ANKRD6: variants seen among roughly 807,000 people sequenced by gnomAD.
ANKRD6 encodes the protein ankyrin repeat domain-containing protein 6.
ANKRD6 carries 56 observed loss-of-function variants against 82.3 expected under a neutral mutation model. The ratio of observed to expected loss-of-function variants is 0.68; its 90% CI spans 0.55 to 0.85. The LOEUF is 0.85. Ranked by LOEUF, ANKRD6 falls within the 40% of genes least tolerant of loss-of-function variation. The probability of loss-of-function intolerance (pLI) is 0.00; values close to 1 mark genes in which losing one functional copy is unlikely to be tolerated. For missense variants in ANKRD6, 852 were observed against 907.6 expected, an observed-to-expected ratio of 0.94 and a Z score of 0.79; for synonymous variants, 347 against 352.1, an observed-to-expected ratio of 0.99 and a Z score of 0.16.
intron 1 of ANKRD6, among the ~76,000 whole-genome samples, chr6:89,464,954 C>T (rs541607499): frequency 3.3e-5 from 5 of 152,192 alleles, no homozygotes; most frequent in Admixed American, 6.5e-5. Context: ...TTCAGATAAT[C>T]TGAGTACAAA....
chr6:89,561,809 C>G (rs1361147877), intron 1 of ANKRD6, among the ~76,000 whole-genome samples: 1 of 152,046 alleles, frequency 6.6e-6, no homozygotes, highest in Non-Finnish European at 1.5e-5. Flanking sequence ...ATTTGTTTCC[C>G]CAGTGGGATT....
intron 1 of ANKRD6, among the ~76,000 whole-genome samples, chr6:89,511,602 A>G (rs1374268670): frequency 6.6e-6 from 1 of 152,220 alleles, no homozygotes; most frequent in Non-Finnish European, 1.5e-5. Flanking sequence ...TAGAATGGGC[A>G]TATGAATAGT....
At position 89,449,834 on chromosome 6, in the gene ANKRD6, A is replaced by G. The variant is rs1772593503; in HGVS notation, c.-144+16459A>G. Among the ~76,000 whole-genome samples the G allele has an allele frequency of 2.6e-5, 4 of 152,252 alleles. No homozygotes were observed. In the South Asian group the frequency reaches 8.3e-4, roughly 32 times the overall value. On this transcript the variant is annotated intron_variant, in intron 1 of 15. Coordinates refer to ENST00000339746, the MANE Select transcript of ANKRD6 (RefSeq NM_001242809.2). Reference sequence around the variant, plus strand: ...TCTAACTCCCGAAAAAATTTAACATATTTGGAGATATTTTTTGGTTGAAAG... The same window carrying G: ...TCTAACTCCCGAAAAAATTTAACATGTTTGGAGATATTTTTTGGTTGAAAG...
intron 1 of ANKRD6, among the ~76,000 whole-genome samples, chr6:89,486,289 A>G (rs1363560342): frequency 6.6e-6 from 1 of 152,140 alleles, no homozygotes; most frequent in Admixed American, 6.5e-5. Flanking sequence ...AGCAGAAATG[A>G]TTGATATTCA....
chr6:89,606,216 C>T lies in ANKRD6; in HGVS notation c.417+111C>T, dbSNP rs945505198. Reference sequence around the variant, plus strand: ...AGAAGAGTGAGAGCCCAGAGTGGCACGAGGAACCTGAAGGTCCATTCGGCC... The same window carrying T: ...AGAAGAGTGAGAGCCCAGAGTGGCATGAGGAACCTGAAGGTCCATTCGGCC... On this transcript the variant is annotated intron_variant, in intron 5 of 15. Coordinates refer to ENST00000339746, the MANE Select transcript of ANKRD6 (RefSeq NM_001242809.2). 41 of 807,876 alleles carry T rather than the reference C, an allele frequency of 5.1e-5. No individual in the cohort carries two copies. The Middle Eastern group carries it at 1.2e-3, about 23-fold the overall frequency. 50.0% of individuals were successfully genotyped at this position (807,876 alleles called of 1,614,324 possible). A position where few individuals can be genotyped will look rare whatever the true frequency, so the allele number is the denominator to read the frequency against.
chr6:89,600,750 G>A (rs1327187029), intron 3 of ANKRD6, among the ~76,000 whole-genome samples: 1 of 152,228 alleles, frequency 6.6e-6, no homozygotes, highest in South Asian at 2.1e-4. Context: ...AAGTTGAGAC[G>A]TGGGGCCAGG....
At chr6:89,527,272 C>T (rs546835049) in intron 1 of ANKRD6, among the ~76,000 whole-genome samples, 1 of 152,130 alleles carries the variant, frequency 6.6e-6, no homozygotes, top group South Asian at 2.1e-4. Flanking sequence ...AGGATTATGT[C>T]TAAAAGGACA....
At chr6:89,560,393 A>T (rs116578255) in intron 1 of ANKRD6, among the ~76,000 whole-genome samples, 2 of 152,172 alleles carry the variant, frequency 1.3e-5, no homozygotes, top group Admixed American at 1.3e-4. Context: ...CGCTAATTCT[A>T]TCAGATCAGG....
At chr6:89,579,156 A>G (rs1366456671) in intron 2 of ANKRD6, among the ~76,000 whole-genome samples, 3 of 152,254 alleles carry the variant, frequency 2.0e-5, no homozygotes, top group African/African-American at 7.2e-5. Context: ...TCAAATGCCA[A>G]TGATATTTAC....
intron 9 of ANKRD6, 180 bp downstream of exon 9, chr6:89,618,211 G>A: frequency 1.4e-6 from 1 of 735,886 alleles, no homozygotes; most frequent in Non-Finnish European, 2.4e-6. Context: ...ATCAAGTCCA[G>A]CTCTTCGTGT....
intron 1 of ANKRD6, among the ~76,000 whole-genome samples, chr6:89,552,450 A>C (rs1275736832): frequency 6.6e-6 from 1 of 152,232 alleles, no homozygotes; most frequent in Non-Finnish European, 1.5e-5. Flanking sequence ...CTCAGTGCTG[A>C]AGCCAAATAC....
chr6:89,593,501 A>G (rs1284240578), intron 2 of ANKRD6, among the ~76,000 whole-genome samples: 2 of 152,192 alleles, frequency 1.3e-5, no homozygotes, highest in African/African-American at 4.8e-5. Flanking sequence ...TTTATAGCCC[A>G]CTTTTTTGGG....
intron 1 of ANKRD6, among the ~76,000 whole-genome samples, chr6:89,525,536 A>G (rs1782388844): frequency 6.6e-6 from 1 of 152,214 alleles, no homozygotes; most frequent in Admixed American, 6.5e-5. Flanking sequence ...TTGGCAATAC[A>G]TCAGTAGGCA....
At chr6:89,495,973 T>C (rs1778563062) in intron 1 of ANKRD6, among the ~76,000 whole-genome samples, 1 of 152,132 alleles carries the variant, frequency 6.6e-6, no homozygotes, top group South Asian at 2.1e-4. Flanking sequence ...GTCCATGCTG[T>C]TGACCCCAGT....
At chr6:89,611,470 G>A (rs543779851) in intron 5 of ANKRD6, among the ~76,000 whole-genome samples, 10 of 152,304 alleles carry the variant, frequency 6.6e-5, no homozygotes, top group South Asian at 4.1e-4. Context: ...GGTTATCAGC[G>A]GCCTCACATG....
chr6:89,560,131 A>G (rs1237900234), intron 1 of ANKRD6, among the ~76,000 whole-genome samples: 2 of 152,196 alleles, frequency 1.3e-5, no homozygotes, highest in Non-Finnish European at 2.9e-5. Context: ...TATAACAGCA[A>G]TTATGCTTGA....
intron 1 of ANKRD6, among the ~76,000 whole-genome samples, chr6:89,440,787 C>G (rs559323449): frequency 6.7e-6 from 1 of 148,194 alleles, no homozygotes; most frequent in African/African-American, 2.5e-5. Flanking sequence ...GCCTAGGCAA[C>G]ATAGCAAGAT....
chr6:89,445,233 T>G (rs968843521), intron 1 of ANKRD6, among the ~76,000 whole-genome samples: 2 of 151,332 alleles, frequency 1.3e-5, no homozygotes, highest in Non-Finnish European at 2.9e-5. Flanking sequence ...TTATGAAAAA[T>G]TGTTTCGGTG....
intron 1 of ANKRD6, among the ~76,000 whole-genome samples, chr6:89,465,787 C>A (rs750056522): frequency 4.0e-5 from 6 of 151,846 alleles, no homozygotes; most frequent in Non-Finnish European, 8.8e-5. Context: ...CACTTGAGCC[C>A]GGGAGATCAA....
Sources: gnomAD v4.1 joint callset for allele counts (sites outside exome capture counted in the v4.1 genomes callset) on GRCh38, gnomAD v4.1.1 for gene constraint, MANE v1.5 for transcripts, NCBI Gene and HGNC (gene_info 2026-07-23, HGNC 2026-07-21) for gene names.